CHAF1A: variants seen among roughly 807,000 people sequenced by gnomAD.
CHAF1A encodes the protein CAF-1 subunit A.
CHAF1A carries 5 observed loss-of-function variants against 93.2 expected under a neutral mutation model. The observed-to-expected ratio is 0.05, with a 90% CI of 0.03 to 0.11. The LOEUF (loss-of-function observed/expected upper bound fraction) is 0.11. CHAF1A is among the 10% of genes least tolerant of loss of function. The probability of loss-of-function intolerance (pLI) is 1.00; values close to 1 mark genes in which losing one functional copy is unlikely to be tolerated. For synonymous variants in CHAF1A, 504 were observed against 510.3 expected (o/e 0.99, Z 0.17); for missense variants, 1,102 against 1,259.9 (o/e 0.87, Z 1.90).
At chr19:4,424,248 C>T (rs895008516) in intron 7 of CHAF1A, among the ~76,000 whole-genome samples, 1 of 152,188 alleles carries the variant, frequency 6.6e-6, no homozygotes, top group African/African-American at 2.4e-5. Flanking sequence ...TGCCTGGCGT[C>T]GGTCACCTGG....
chr19:4,423,778 TTCTC>T, intron 6 of CHAF1A, 24 bp from the exon 7 acceptor site: 2 of 1,607,342 alleles, frequency 1.2e-6, no homozygotes, highest in East Asian at 4.5e-5. Flanking sequence ...CCTCTCCTCT[TTCTC>T]ATCACCATCT....
intron 13 of CHAF1A, among the ~76,000 whole-genome samples, chr19:4,439,152 C>T (rs909415316): frequency 7.3e-5 from 11 of 151,184 alleles, no homozygotes; most frequent in Non-Finnish European, 1.0e-4. Flanking sequence ...TGGTGGTGCA[C>T]GCCTGTAATC....
intron 11 of CHAF1A, chr19:4,430,842 A>T: frequency 1.8e-6 from 1 of 569,398 alleles, no homozygotes; most frequent in South Asian, 2.0e-5. Flanking sequence ...ACGTAGGAGG[A>T]GCTTGCAAGC....
At position 4,429,551 on chromosome 19, in the gene CHAF1A, C is replaced by G. The variant is rs370807128; in HGVS notation, c.1718C>G (p.Thr573Ser). ...CENHRPAYWG[T>S]WNKKTALIRA... The stretch of plus-strand genomic sequence containing the variant: ...AACCACCGGCCTGCCTACTGGGGTA[C>G]CTGGAATAAGAAGACGGCACTCATC... The change falls in exon 9 of 15, where the codon ACC (threonine) becomes AGC (serine). Residue 573 changes from threonine (T) to serine (S), a missense_variant. This residue lies in a region of CHAF1A where 335 missense variants were observed against 361.9 expected (regional missense o/e 0.93). Coordinates refer to ENST00000301280, the MANE Select transcript of CHAF1A (RefSeq NM_005483.3). The G allele has an allele frequency of 1.1e-5, 17 of 1,613,888 alleles. No homozygotes were observed. The highest frequency in any genetic ancestry group is 1.2e-5 in the Non-Finnish European group (14 of 1,179,996).
intron 2 of CHAF1A, among the ~76,000 whole-genome samples, chr19:4,408,665 G>T (rs1973731177): frequency 6.6e-6 from 1 of 151,306 alleles, no homozygotes; most frequent in African/African-American, 2.4e-5. Flanking sequence ...AGAAAAGACG[G>T]GGTTTCACCA....
intron 13 of CHAF1A, among the ~76,000 whole-genome samples, chr19:4,440,388 G>T (rs1974363982): frequency 6.6e-6 from 1 of 151,008 alleles, no homozygotes; most frequent in South Asian, 2.1e-4. Flanking sequence ...TGGAAGGATG[G>T]CTTGAGCCCA....
chr19:4,421,898 A>G (rs1026776845), intron 4 of CHAF1A, among the ~76,000 whole-genome samples: 2 of 152,068 alleles, frequency 1.3e-5, no homozygotes, highest in Admixed American at 1.3e-4. Context: ...GCTGGAGTGC[A>G]GTGGTGTGAC....
At chr19:4,402,945 G>A in intron 1 of CHAF1A, 131 bp downstream of exon 1, 3 of 431,954 alleles carry the variant, frequency 6.9e-6, no homozygotes, top group Non-Finnish European at 7.3e-6. Context: ...TCACCCCCTG[G>A]GGCCTTCTCA....
chr19:4,426,961 A>G (rs1974093558), intron 7 of CHAF1A, among the ~76,000 whole-genome samples: 1 of 150,874 alleles, frequency 6.6e-6, no homozygotes. Flanking sequence ...GCGTGGTGGT[A>G]GGCGTCTGTA....
chr19:4,420,274 G>T (rs552132327), intron 4 of CHAF1A, among the ~76,000 whole-genome samples: 13 of 151,486 alleles, frequency 8.6e-5, no homozygotes, highest in African/African-American at 3.2e-4. Context: ...AGACAGTCTC[G>T]CTCTGTTGCC....
intron 2 of CHAF1A, among the ~76,000 whole-genome samples, chr19:4,406,612 T>G (rs1973685944): frequency 6.6e-6 from 1 of 152,034 alleles, no homozygotes; most frequent in South Asian, 2.1e-4. Flanking sequence ...TTTTTCTATT[T>G]TTAGTAGAGA....
Position 4,409,457 on chromosome 19 carries a change from A to G in CHAF1A, c.658A>G (p.Lys220Glu). The G allele has an allele frequency of 6.2e-7, 1 of 1,614,038 alleles. No homozygotes were observed. The highest frequency in any genetic ancestry group is 8.5e-7 in the Non-Finnish European group (1 of 1,179,990). Residue 220 changes from lysine to glutamate, a missense_variant, in exon 3 of 15, where the codon AAG becomes GAG. By Grantham distance (56) the Lys-to-Glu change is moderately conservative. Transcript: ENST00000301280. ...LTSGPRMCPR[K>E]EQDSWSEAGG... is the part of the protein sequence containing the mutation. ...GAGTGGCCCGAGAATGTGCCCCAGAAAGGAGCAGGACAGTTGGAGTGAAGC... is the reference window on the plus strand; with the variant it reads ...GAGTGGCCCGAGAATGTGCCCCAGAGAGGAGCAGGACAGTTGGAGTGAAGC...
Position 4,433,487 on chromosome 19 carries a change from C to A in CHAF1A, c.2621C>A (p.Ala874Glu), listed in dbSNP as rs532996643. The change falls in exon 13 of 15, where the codon GCG becomes GAG. Residue 874 changes from alanine to glutamate, a missense_variant. By Grantham distance (107) the Ala-to-Glu change is moderately radical (BLOSUM62 -1). Coordinates refer to ENST00000301280, the MANE Select transcript of CHAF1A (RefSeq NM_005483.3). This position sits in a 1 kb window ranked among gnomAD's most constrained non-coding sequence, Gnocchi z 5.6. ...GTPISLKRKSAGSMCITQFMK... is the reference protein window; with the variant it reads ...GTPISLKRKSEGSMCITQFMK... ...CCCATCTCGCTGAAGAGGAAGTCAG[C>A]GGGCAGCATGTGCATCACCCAATTC... The A allele has an allele frequency of 6.3e-7, 1 of 1,595,496 alleles. No homozygotes were observed. Among genetic ancestry groups the A allele is most frequent in the Admixed American group, 1.7e-5 (1 of 59,674 alleles).
chr19:4,407,143 C>G (rs563949381), intron 2 of CHAF1A, among the ~76,000 whole-genome samples: 1 of 151,810 alleles, frequency 6.6e-6, no homozygotes, highest in African/African-American at 2.4e-5. Flanking sequence ...TGTTTGAACC[C>G]GGAAGGAAGA....
chr19:4,417,410 C>T (rs1439781296), intron 3 of CHAF1A, among the ~76,000 whole-genome samples: 2 of 151,182 alleles, frequency 1.3e-5, no homozygotes, highest in African/African-American at 2.4e-5. Context: ...GGTCCTCTCT[C>T]CTTTGCTACA....
chr19:4,422,077 T>C lies in CHAF1A; in HGVS notation c.1018-489T>C, dbSNP rs1475553092. On this transcript the variant is annotated intron_variant, in intron 4 of 14. Coordinates refer to ENST00000301280, the MANE Select transcript of CHAF1A (RefSeq NM_005483.3). This position sits in a 1 kb window ranked among gnomAD's most constrained non-coding sequence, Gnocchi z 4.6. Reference sequence around the variant, plus strand: ...GATGCTGGAGTGCAGTGGCACCGTGTTGGCTCACTGCAACCTCCGTCTCCT... The same window carrying C: ...GATGCTGGAGTGCAGTGGCACCGTGCTGGCTCACTGCAACCTCCGTCTCCT... Among the ~76,000 whole-genome samples, 2 of 151,994 alleles carry C rather than the reference T, an allele frequency of 1.3e-5. No homozygotes were observed. Among genetic ancestry groups the C allele is most frequent in the Non-Finnish European group, 2.9e-5 (2 of 67,988 alleles).
chr19:4,448,044 G>T (rs890358344), downstream of CHAF1A: 18 of 549,374 alleles, frequency 3.3e-5, no homozygotes, highest in Admixed American at 5.0e-4. Flanking sequence ...AGTGGGGTGG[G>T]ACCCTGCCTC....
intron 11 of CHAF1A, among the ~76,000 whole-genome samples, chr19:4,431,531 G>A (rs1310968553): frequency 3.3e-5 from 5 of 152,142 alleles, no homozygotes; most frequent in Admixed American, 3.3e-4. Context: ...TTGGACTGGA[G>A]GCCTAGGCAT....
At chr19:4,413,837 C>T (rs1012012553) in intron 3 of CHAF1A, among the ~76,000 whole-genome samples, 1 of 152,040 alleles carries the variant, frequency 6.6e-6, no homozygotes, top group Non-Finnish European at 1.5e-5. Flanking sequence ...TAAAAAGATC[C>T]CCCTTTAGAT....
Sources: gnomAD v4.1 joint callset for allele counts (sites outside exome capture counted in the v4.1 genomes callset) on GRCh38, gnomAD v4.1.1 for gene constraint, gnomAD v4.1.1 regional missense constraint, Gnocchi (gnomAD v3.1) non-coding constraint, MANE v1.5 for transcripts, NCBI Gene and HGNC (gene_info 2026-07-23, HGNC 2026-07-21) for gene names.